Variants in CTNND2 observed in about 807,000 individuals in gnomAD.
CTNND2 encodes the protein catenin delta-2.
A neutral mutation model predicts 144.4 loss-of-function variants in CTNND2; 22 were observed. That is an observed-to-expected ratio of 0.15 (90% CI 0.11 to 0.22). The LOEUF (loss-of-function observed/expected upper bound fraction) is 0.22, where lower values mean the gene tolerates loss of function less well. Among genes scored for constraint, CTNND2 ranks in the 10% least tolerant of loss-of-function variants. CTNND2 has a pLI of 1.00. For missense variants in CTNND2, 1,353 were observed against 1,618.8 expected, an observed-to-expected ratio of 0.84 and a Z score of 2.82; for synonymous variants, 751 against 695.6, an observed-to-expected ratio of 1.08 and a Z score of -1.25.
Position 11,039,859 on chromosome 5 carries a change from C to G in CTNND2, c.2789-16880G>C, listed in dbSNP as rs186573690. Among the ~76,000 whole-genome samples, 23 of 152,090 alleles carry G rather than the reference C, an allele frequency of 1.5e-4. No homozygotes were observed. The East Asian group carries it at 4.4e-3, about 29-fold the overall frequency. ...GGTAGATTGCATGAGGTCAGGAGTT[C>G]GAGACCAGCTTGGCCAACATGACGA... On this transcript the variant is annotated intron_variant, in intron 16 of 21. Transcript: ENST00000304623.
At chr5:11,310,974 A>C (rs781657607) in intron 9 of CTNND2, among the ~76,000 whole-genome samples, 1 of 144,280 alleles carries the variant, frequency 6.9e-6, no homozygotes, top group Non-Finnish European at 1.5e-5. Context: ...CCACACATAC[A>C]CACACTCTCA....
chr5:11,562,048 C>CA (rs879380835), intron 3 of CTNND2, among the ~76,000 whole-genome samples: 32 of 144,968 alleles, frequency 2.2e-4, no homozygotes, highest in African/African-American at 6.1e-4. Context: ...GACTACATCT[C>CA]AAAAAAAAAA....
Position 11,562,822 on chromosome 5 carries a change from A to G in CTNND2, c.287+2122T>C, listed in dbSNP as rs566917304. 3.3e-5 allele frequency among the ~76,000 whole-genome samples: 5 copies of G among 152,366 alleles called. No individual in the cohort carries two copies. In the East Asian group the frequency reaches 9.6e-4, roughly 29 times the overall value. On this transcript the variant is annotated intron_variant, in intron 3 of 21. Transcript: ENST00000304623. ...TTGAGATGAATCAAATCAAATGAGG[A>G]AAGAGGACAGGTTTTAAGAAGGTAT... is the stretch of plus-strand genomic sequence containing the variant.
intron 21 of CTNND2, among the ~76,000 whole-genome samples, 194 bp downstream of exon 21, chr5:10,981,579 C>T (rs551252712): frequency 2.1e-5 from 3 of 146,120 alleles, no homozygotes; most frequent in African/African-American, 5.1e-5. Context: ...GCTGTTCTGC[C>T]GAGTCCAACA....
intron 12 of CTNND2, among the ~76,000 whole-genome samples, chr5:11,150,477 T>C (rs1382412148): frequency 6.6e-6 from 1 of 152,080 alleles, no homozygotes; most frequent in African/African-American, 2.4e-5. Context: ...TCTTGGTTAA[T>C]TAAGGACCAA....
In CTNND2 at chr5:11,086,226, A is replaced by C. The variant is rs1467984169; in HGVS notation, c.2638-3380T>G. Among the ~76,000 whole-genome samples the C allele has an allele frequency of 2.0e-5, 3 of 152,136 alleles. No homozygotes were observed. In the East Asian group the frequency reaches 5.8e-4, roughly 29 times the overall value. ...AGGTGGTTGGATTTCAGGGGAGCTCAAAAGGGATGGAGGCAGGTGTGGGCC... is the reference window on the plus strand; with the variant it reads ...AGGTGGTTGGATTTCAGGGGAGCTCCAAAGGGATGGAGGCAGGTGTGGGCC... On this transcript the variant is annotated intron_variant, in intron 15 of 21. Coordinates refer to ENST00000304623, the MANE Select transcript of CTNND2 (RefSeq NM_001332.4).
chr5:11,365,796 G>A (rs928645529), intron 7 of CTNND2, among the ~76,000 whole-genome samples: 4 of 152,134 alleles, frequency 2.6e-5, no homozygotes, highest in Admixed American at 6.5e-5. Context: ...TTTATCTGAC[G>A]TACAGTCAGA....
chr5:11,633,926 C>A (rs2126477468), intron 2 of CTNND2, among the ~76,000 whole-genome samples: 1 of 152,196 alleles, frequency 6.6e-6, no homozygotes, highest in South Asian at 2.1e-4. Flanking sequence ...TGGTACAGTC[C>A]ATCTTCTTAT....
At chr5:11,348,348 A>G (rs1424600150) in intron 8 of CTNND2, among the ~76,000 whole-genome samples, 1 of 151,720 alleles carries the variant, frequency 6.6e-6, no homozygotes. Flanking sequence ...CAGGCAAGTC[A>G]TAAACTTGCT....
At chr5:11,054,728 T>C (rs937778279) in intron 16 of CTNND2, among the ~76,000 whole-genome samples, 2 of 152,124 alleles carry the variant, frequency 1.3e-5, no homozygotes, top group African/African-American at 2.4e-5. Context: ...TGATTTAACA[T>C]TTTCTGAATG....
chr5:11,286,802 A>G (rs1357099142), intron 9 of CTNND2, among the ~76,000 whole-genome samples: 8 of 152,216 alleles, frequency 5.3e-5, no homozygotes. Flanking sequence ...ATTTGAAGAT[A>G]CACGTTCCTC....
At chr5:11,377,799 A>C (rs1028590002) in intron 7 of CTNND2, among the ~76,000 whole-genome samples, 1 of 152,218 alleles carries the variant, frequency 6.6e-6, no homozygotes, top group Non-Finnish European at 1.5e-5. Context: ...TTAAAATTGC[A>C]CTGTTCCCAC....
At chr5:11,699,884 C>G (rs575585311) in intron 2 of CTNND2, among the ~76,000 whole-genome samples, 1 of 152,256 alleles carries the variant, frequency 6.6e-6, no homozygotes, top group East Asian at 1.9e-4. Flanking sequence ...TCAATCAAAT[C>G]CCCAGGTGGG....
chr5:11,006,319 C>T (rs574826898), intron 18 of CTNND2, among the ~76,000 whole-genome samples: 5 of 152,366 alleles, frequency 3.3e-5, no homozygotes, highest in South Asian at 2.1e-4. Flanking sequence ...GTCCCAGCCT[C>T]TCCTTGTGGC....
intron 3 of CTNND2, among the ~76,000 whole-genome samples, chr5:11,487,176 A>T (rs1471719917): frequency 1.3e-5 from 2 of 150,340 alleles, no homozygotes; most frequent in South Asian, 2.1e-4. Context: ...AAATAGATCA[A>T]CTACGGCAAA....
chr5:11,312,006 C>T (rs548220906), intron 9 of CTNND2, among the ~76,000 whole-genome samples: 5 of 151,004 alleles, frequency 3.3e-5, no homozygotes, highest in African/African-American at 9.8e-5. Context: ...ACCCCACACA[C>T]ACACTCACCA....
At chr5:11,146,315 TA>T (rs1248242897) in intron 12 of CTNND2, among the ~76,000 whole-genome samples, 2 of 152,238 alleles carry the variant, frequency 1.3e-5, no homozygotes, top group African/African-American at 4.8e-5. Flanking sequence ...CTGCTCCAAT[TA>T]TCTAGGGGAG....
At chr5:11,311,466 C>T (rs1232174333) in intron 9 of CTNND2, among the ~76,000 whole-genome samples, 1 of 150,890 alleles carries the variant, frequency 6.6e-6, no homozygotes, top group East Asian at 2.0e-4. Context: ...TCCCCATACA[C>T]CCTCAACCCA....
At chr5:11,735,814 C>T (rs1208263818) in intron 1 of CTNND2, among the ~76,000 whole-genome samples, 2 of 152,126 alleles carry the variant, frequency 1.3e-5, no homozygotes, top group African/African-American at 4.8e-5. Context: ...AACTGTGAGT[C>T]CATGAAAACT....
Sources: gnomAD v4.1 joint callset for allele counts (sites outside exome capture counted in the v4.1 genomes callset) on GRCh38, gnomAD v4.1.1 for gene constraint, MANE v1.5 for transcripts, NCBI Gene and HGNC (gene_info 2026-07-23, HGNC 2026-07-21) for gene names.